The following DNAH9 variants were observed in gnomAD, a reference collection of about 807,000 sequenced individuals.
DNAH9 encodes DNAH9 variant protein.
A neutral mutation model predicts 471.6 loss-of-function variants in DNAH9; 345 were observed. The ratio of observed to expected loss-of-function variants is 0.73; its 90% confidence interval spans 0.67 to 0.80. DNAH9 has a LOEUF of 0.80. Ranked by LOEUF, DNAH9 falls within the 30% of genes least tolerant of loss-of-function variation. The probability of loss-of-function intolerance (pLI) is 0.00; values close to 1 mark genes in which losing one functional copy is unlikely to be tolerated. For missense variants in DNAH9, 5,407 were observed against 5,609.2 expected, an observed-to-expected ratio of 0.96 and a Z score of 1.15; for synonymous variants, 2,093 against 2,123.6, an observed-to-expected ratio of 0.99 and a Z score of 0.40.
chr17:11,747,405 T>C (rs1032448901), intron 31 of DNAH9, 151 bp from the exon 32 acceptor site: 3 of 630,936 alleles, frequency 4.8e-6, no homozygotes, highest in Non-Finnish European at 8.5e-6. Flanking sequence ...GTTGCCCCTA[T>C]ATTTCAGACC....
intron 59 of DNAH9, among the ~76,000 whole-genome samples, chr17:11,902,062 AAGT>A (rs1479139229): frequency 6.6e-6 from 1 of 152,208 alleles, no homozygotes; most frequent in Non-Finnish European, 1.5e-5. Context: ...CAGATGGTGG[AAGT>A]AGTATGAACA....
intron 61 of DNAH9, among the ~76,000 whole-genome samples, chr17:11,911,916 T>C (rs1007419157): frequency 6.6e-6 from 1 of 152,220 alleles, no homozygotes; most frequent in African/African-American, 2.4e-5. Flanking sequence ...ACTTTCTTGT[T>C]AGTTCTAATA....
At chr17:11,716,082 CTT>C (rs61643065) in intron 26 of DNAH9, among the ~76,000 whole-genome samples, 8 of 132,458 alleles carry the variant, frequency 6.0e-5, no homozygotes, top group Admixed American at 1.5e-4. Flanking sequence ...TTTTCTTTCT[CTT>C]TTTTTTTTTT....
intron 49 of DNAH9, among the ~76,000 whole-genome samples, chr17:11,848,843 CT>C (rs928462507): frequency 2.0e-4 from 30 of 146,408 alleles, no homozygotes; most frequent in East Asian, 3.9e-4. Context: ...TCTCACACCT[CT>C]TTTTTTTTTT....
At chr17:11,887,580 A>G (rs1006768996) in intron 57 of DNAH9, among the ~76,000 whole-genome samples, 1 of 152,192 alleles carries the variant, frequency 6.6e-6, no homozygotes, top group Non-Finnish European at 1.5e-5. Flanking sequence ...GCATTCACCA[A>G]AAGACCACAA....
rs1468406646 is a variant in DNAH9 at position 11,763,522 on chromosome 17, G to A, written c.7078G>A (p.Asp2360Asn). 1.5e-5 allele frequency: 25 copies of A among 1,613,984 alleles called. No homozygotes were observed. The highest frequency in any genetic ancestry group is 2.2e-5 in the East Asian group (1 of 44,886). The change falls in exon 36 of 69, where the codon GAC (aspartate) becomes AAC (asparagine). Residue 2360 changes from aspartate (D) to asparagine (N), a missense_variant. This residue lies in a region of DNAH9 where 4,636 missense variants were observed against 4,900.3 expected (regional missense o/e 0.95). Transcript: ENST00000262442. ...TCTGGAATGTCTCCTGACCACGGAG[G>A]ACATCCCTGCAGACTGCCCTAAGGA... is the stretch of plus-strand genomic sequence containing the variant. ...HLLECLLTTE[D>N]IPADCPKEIY...
In DNAH9 at chr17:11,669,928, A is replaced by C; in HGVS notation, c.3353+134A>C. ...ATTAAGACAGCTGGTTAGAGGTTCT[A>C]GGCTTTTGGACACCATGGTAACTTA... On this transcript the variant is annotated intron_variant, in intron 17 of 68. Coordinates refer to ENST00000262442, the MANE Select transcript of DNAH9 (RefSeq NM_001372.4). 2 of 772,588 alleles carry C rather than the reference A, an allele frequency of 2.6e-6. 1 individual carries two copies. The highest frequency in any genetic ancestry group is 5.0e-5 in the Admixed American group (2 of 40,020). The allele number at this position is 772,588 out of a possible 1,614,324, so 47.9% of individuals were successfully genotyped here.
At chr17:11,860,295 T>C (rs1971796257) in intron 50 of DNAH9, among the ~76,000 whole-genome samples, 1 of 152,204 alleles carries the variant, frequency 6.6e-6, no homozygotes, top group South Asian at 2.1e-4. Flanking sequence ...ATTTCTAAAC[T>C]TTCCATTTAC....
intron 19 of DNAH9, among the ~76,000 whole-genome samples, chr17:11,689,166 T>A (rs1001867490): frequency 1.3e-5 from 2 of 152,096 alleles, no homozygotes; most frequent in Non-Finnish European, 2.9e-5. Context: ...GGCCCTTGGC[T>A]TTCCGGCTTC....
Position 11,934,435 on chromosome 17 carries a change from A to ATTT in DNAH9, c.12489+390_12489+392dup, listed in dbSNP as rs547023975. ...TTTCACTTGGGATGTTGACAAACCCATTTTTTTTTTTTTTTTTTTTTTTTT... is the reference window on the plus strand; with the variant it reads ...TTTCACTTGGGATGTTGACAAACCCATTTTTTTTTTTTTTTTTTTTTTTTTTTT... On this transcript the variant is annotated intron_variant, in intron 65 of 68. Coordinates refer to ENST00000262442, the MANE Select transcript of DNAH9 (RefSeq NM_001372.4). Among the ~76,000 whole-genome samples, 665 of 86,000 alleles carry ATTT rather than the reference A, an allele frequency of 7.7e-3. 96 individuals carry two copies. Among genetic ancestry groups the ATTT allele is most frequent in the African/African-American group, 0.029 (627 of 21,612 alleles). The allele number at this position is 86,000 out of a possible 152,430, so 56.4% of individuals were successfully genotyped here.
At chr17:11,870,558 G>T (rs1274910397) in intron 51 of DNAH9, among the ~76,000 whole-genome samples, 2 of 152,198 alleles carry the variant, frequency 1.3e-5, no homozygotes, top group Non-Finnish European at 2.9e-5. Context: ...TGTCTGTGCA[G>T]TTGTCACTGG....
chr17:11,957,531 T>C (rs1487341200), intron 67 of DNAH9, among the ~76,000 whole-genome samples: 2 of 151,048 alleles, frequency 1.3e-5, no homozygotes, highest in African/African-American at 4.9e-5. Context: ...GTGAGTTTCT[T>C]GGATTTTCTT....
chr17:11,643,469 A>G (rs1390903613), intron 10 of DNAH9, among the ~76,000 whole-genome samples: 2 of 152,250 alleles, frequency 1.3e-5, no homozygotes, highest in Non-Finnish European at 2.9e-5. Flanking sequence ...CTGTACCTAT[A>G]TAGATATTTA....
chr17:11,740,439 G>A (rs556271509), intron 29 of DNAH9, among the ~76,000 whole-genome samples: 12 of 152,204 alleles, frequency 7.9e-5, no homozygotes, highest in African/African-American at 1.4e-4. Context: ...GGTTGCAGGC[G>A]GCCACCTTCT....
intron 68 of DNAH9, among the ~76,000 whole-genome samples, chr17:11,965,662 A>T (rs1490621898): frequency 6.6e-6 from 1 of 152,240 alleles, no homozygotes; most frequent in Admixed American, 6.5e-5. Context: ...CAAAGACTTT[A>T]AATCAGCTAT....
At position 11,770,446 on chromosome 17, in the gene DNAH9, G is replaced by GC. The variant is rs59098649; in HGVS notation, c.7552+1117_7552+1118insC. On this transcript the variant is annotated intron_variant, in intron 38 of 68. Transcript: ENST00000262442. ...GTCTAGCCAACTCAAAATGCTGATG[G>GC]GGGGGAGCACCACCTCTGCTCTCTG... Among the ~76,000 whole-genome samples the GC allele has an allele frequency of 3.9e-5, 6 of 152,160 alleles. No homozygotes were observed. The East Asian group carries it at 1.2e-3, about 29-fold the overall frequency.
intron 7 of DNAH9, among the ~76,000 whole-genome samples, chr17:11,630,968 T>A (rs528800694): frequency 2.8e-4 from 42 of 152,270 alleles, no homozygotes; most frequent in Non-Finnish European, 5.4e-4. Context: ...GTTTTAAGCT[T>A]CGGGCAAAAA....
chr17:11,856,495 C>T (rs534305351), intron 50 of DNAH9, among the ~76,000 whole-genome samples: 3 of 150,014 alleles, frequency 2.0e-5, no homozygotes, highest in African/African-American at 7.4e-5. Flanking sequence ...GCCGGGAGAT[C>T]GAGACCATCC....
intron 6 of DNAH9, among the ~76,000 whole-genome samples, chr17:11,624,519 G>A (rs1040144506): frequency 6.7e-6 from 1 of 148,750 alleles, no homozygotes; most frequent in African/African-American, 2.5e-5. Flanking sequence ...AAAAAAAAAA[G>A]AAAAGAAAAG....
Sources: gnomAD v4.1 joint callset for allele counts (sites outside exome capture counted in the v4.1 genomes callset) on GRCh38, gnomAD v4.1.1 for gene constraint, gnomAD v4.1.1 regional missense constraint, MANE v1.5 for transcripts, NCBI Gene and HGNC (gene_info 2026-07-23, HGNC 2026-07-21) for gene names.